Variants in SEMA6D observed in about 807,000 individuals in gnomAD.
The protein encoded by SEMA6D is semaphorin-6D.
In SEMA6D, 35 loss-of-function variants were observed where a neutral mutation model predicts 106.6. The ratio of observed to expected loss-of-function variants is 0.33; its 90% CI spans 0.25 to 0.44. The LOEUF (loss-of-function observed/expected upper bound fraction) is 0.44, where lower values mean the gene tolerates loss of function less well. Among genes scored for constraint, SEMA6D ranks in the 20% least tolerant of loss-of-function variants. The probability of loss-of-function intolerance (pLI) is 1.00; values close to 1 mark genes in which losing one functional copy is unlikely to be tolerated. For missense variants in SEMA6D, 1,185 were observed against 1,345.9 expected, an observed-to-expected ratio of 0.88 and a Z score of 1.87; for synonymous variants, 499 against 487.7, an observed-to-expected ratio of 1.02 and a Z score of -0.31.
chr15:47,393,884 C>T (rs281299), intron 1 of SEMA6D, among the ~76,000 whole-genome samples: 107,047 of 152,140 alleles, frequency 0.7, 38,597 homozygotes, highest in African/African-American at 0.87. Context: ...GTGCTTTATC[C>T]GCACTGGCAT....
At chr15:47,209,360 C>G (rs1308527351) in intron 1 of SEMA6D, among the ~76,000 whole-genome samples, 1 of 152,124 alleles carries the variant, frequency 6.6e-6, no homozygotes, top group Non-Finnish European at 1.5e-5. Context: ...CCCTAACTTT[C>G]AAGAAATATT....
rs1027116923 is a variant in SEMA6D at position 47,765,974 on chromosome 15, C to A, written c.1533C>A (p.Pro511=). ...TCTCTAGCTGCATTATCCGCATCCC[C>A]CTCAGTCGCTGTGAGCGTTATGGAT... ...VAFSSCIIRI[P]LSRCERYGSC... Residue 511 remains proline, a synonymous_variant, in exon 14 of 19, where the codon CCC becomes CCA. Transcript: ENST00000536845. 6.3e-7 allele frequency: 1 copy of A among 1,595,280 alleles called. No homozygotes were observed. Among genetic ancestry groups the A allele is most frequent in the Non-Finnish European group, 8.5e-7 (1 of 1,170,390 alleles).
At chr15:47,243,498 G>A (rs904342944) in intron 1 of SEMA6D, among the ~76,000 whole-genome samples, 1 of 151,840 alleles carries the variant, frequency 6.6e-6, no homozygotes, top group African/African-American at 2.4e-5. Flanking sequence ...AACTTGAATA[G>A]TTACGTGGTA....
chr15:47,240,370 G>T (rs2032827658), intron 1 of SEMA6D, among the ~76,000 whole-genome samples: 1 of 152,112 alleles, frequency 6.6e-6, no homozygotes, highest in Non-Finnish European at 1.5e-5. Context: ...TTATTTTTAG[G>T]TAAAATGAAG....
intron 3 of SEMA6D, among the ~76,000 whole-genome samples, chr15:47,511,722 A>T: frequency 6.6e-6 from 1 of 152,180 alleles, no homozygotes; most frequent in East Asian, 1.9e-4. Context: ...AAATCAAGGG[A>T]GCTGAGTAGG....
intron 1 of SEMA6D, among the ~76,000 whole-genome samples, chr15:47,736,284 T>TTTCA (rs2080442002): frequency 6.6e-6 from 1 of 152,118 alleles, no homozygotes; most frequent in Non-Finnish European, 1.5e-5. Flanking sequence ...AGTGGGCTGA[T>TTTCA]TTGAAAAGAG....
chr15:47,237,049 A>T (rs879667124), intron 1 of SEMA6D, among the ~76,000 whole-genome samples: 2 of 152,082 alleles, frequency 1.3e-5, no homozygotes, highest in Admixed American at 6.6e-5. Context: ...CGACTTTTAG[A>T]ATTTTTGTGT....
intron 1 of SEMA6D, chr15:47,359,942 C>T (rs2038736833): frequency 6.6e-6 from 1 of 152,118 alleles, no homozygotes; most frequent in Admixed American, 6.5e-5. Flanking sequence ...ACATTCACTT[C>T]CACAGGCATT....
Position 47,762,235 on chromosome 15 carries a change from T to C in SEMA6D, c.574T>C (p.Leu192=). The C allele has an allele frequency of 6.2e-7, 1 of 1,613,682 alleles. No homozygotes were observed. Among genetic ancestry groups the C allele is most frequent in the Non-Finnish European group, 8.5e-7 (1 of 1,179,646 alleles). Residue 192 remains leucine, a synonymous_variant, in exon 8 of 19, where the codon TTG becomes CTG. Coordinates refer to ENST00000536845, the MANE Select transcript of SEMA6D (RefSeq NM_001358351.3). ...GTATTCTGCCACAGTGGCTGACTTCTTGGCCAGCGATGCCGTTATTTATCG... is the reference window on the plus strand; with the variant it reads ...GTATTCTGCCACAGTGGCTGACTTCCTGGCCAGCGATGCCGTTATTTATCG... The part of the protein sequence containing the change: ...KLYSATVADF[L]ASDAVIYRSM...
At chr15:47,714,434 T>C (rs757324212), upstream of SEMA6D, among the ~76,000 whole-genome samples, 1 of 152,250 alleles carries the variant, frequency 6.6e-6, no homozygotes, top group Non-Finnish European at 1.5e-5. Flanking sequence ...TAAGTACTGA[T>C]GTTTTGTTTA....
At chr15:47,423,526 C>T (rs1210920364) in intron 2 of SEMA6D, among the ~76,000 whole-genome samples, 3 of 152,004 alleles carry the variant, frequency 2.0e-5, no homozygotes, top group Non-Finnish European at 2.9e-5. Context: ...TCCTAGTTCT[C>T]ATCAAAGAAA....
intron 1 of SEMA6D, among the ~76,000 whole-genome samples, chr15:47,742,691 C>T (rs2080890964): frequency 6.6e-6 from 1 of 152,174 alleles, no homozygotes; most frequent in Non-Finnish European, 1.5e-5. Flanking sequence ...TGCCTCTCTA[C>T]CCAGCTTGGA....
At chr15:47,404,458 C>T (rs1361816822) in intron 1 of SEMA6D, among the ~76,000 whole-genome samples, 1 of 152,114 alleles carries the variant, frequency 6.6e-6, no homozygotes, top group African/African-American at 2.4e-5. Context: ...GGTAGAAATG[C>T]CTGGATTCGA....
At chr15:47,527,893 A>G (rs1250191847) in intron 3 of SEMA6D, 1 of 152,202 alleles carries the variant, frequency 6.6e-6, no homozygotes, top group Non-Finnish European at 1.5e-5. Context: ...ATGTCAGTAG[A>G]GTAAAGCACA....
intron 1 of SEMA6D, among the ~76,000 whole-genome samples, chr15:47,326,626 G>C (rs1349355498): frequency 6.6e-6 from 1 of 152,200 alleles, no homozygotes; most frequent in Non-Finnish European, 1.5e-5. Context: ...AGCTCTGATG[G>C]GGAATTTTGA....
chr15:47,387,328 G>A (rs964343352), intron 1 of SEMA6D, among the ~76,000 whole-genome samples: 13 of 152,168 alleles, frequency 8.5e-5, no homozygotes, highest in African/African-American at 2.9e-4. Context: ...CCAAGGTCAT[G>A]CTTATACTCT....
intron 8 of SEMA6D, 41 bp downstream of exon 8, chr15:47,762,360 G>A: frequency 6.2e-7 from 1 of 1,606,548 alleles, no homozygotes; most frequent in South Asian, 1.1e-5. Context: ...CCAGGATAGT[G>A]GATGGCCCAA....
Position 47,770,977 on chromosome 15 carries a change from C to A in SEMA6D, c.2414C>A (p.Thr805Asn). ...AHGHGASRKE[T>N]PQFFPSSPPP... is the part of the protein sequence containing the mutation. ...GGCCATGGAGCTTCAAGGAAAGAAA[C>A]CCCTCAGTTTTTTCCGTCTAGTCCG... Residue 805 changes from threonine to asparagine, a missense_variant, in exon 19 of 19, where the codon ACC becomes AAC. By Grantham distance (65) the Thr-to-Asn change is moderately conservative (BLOSUM62 0). Transcript: ENST00000536845. 6.2e-7 allele frequency: 1 copy of A among 1,614,024 alleles called. No homozygotes were observed. The highest frequency in any genetic ancestry group is 1.1e-5 in the South Asian group (1 of 91,068).
chr15:47,308,789 T>C (rs1244855956), intron 1 of SEMA6D, among the ~76,000 whole-genome samples: 1 of 152,242 alleles, frequency 6.6e-6, no homozygotes, highest in African/African-American at 2.4e-5. Context: ...ACATGAGTGC[T>C]AACTCATCTC....
Sources: gnomAD v4.1 joint callset for allele counts (sites outside exome capture counted in the v4.1 genomes callset) on GRCh38, gnomAD v4.1.1 for gene constraint, MANE v1.5 for transcripts, NCBI Gene and HGNC (gene_info 2026-07-23, HGNC 2026-07-21) for gene names.